The following THEMIS variants were observed in gnomAD, a reference collection of about 807,000 sequenced individuals.
THEMIS encodes the protein protein THEMIS.
THEMIS carries 37 observed loss-of-function variants against 52.6 expected under a neutral mutation model. The observed-to-expected ratio is 0.70, with a 90% confidence interval of 0.54 to 0.93. The LOEUF is 0.93. Among genes scored for constraint, THEMIS ranks in the 40% least tolerant of loss-of-function variants. THEMIS has a pLI of 0.00. For synonymous variants in THEMIS, 292 were observed against 272.7 expected (o/e 1.07, Z -0.70); for missense variants, 808 against 763.1 (o/e 1.06, Z -0.69).
intron 4 of THEMIS, among the ~76,000 whole-genome samples, chr6:127,735,304 T>C (rs1774965130): frequency 1.3e-5 from 2 of 151,618 alleles, no homozygotes; most frequent in African/African-American, 2.4e-5. Context: ...CTGTTACAAA[T>C]AGGGGCGTGT....
At chr6:127,811,519 C>A (rs986062975) in intron 4 of THEMIS, among the ~76,000 whole-genome samples, 9 of 152,070 alleles carry the variant, frequency 5.9e-5, no homozygotes, top group African/African-American at 2.2e-4. Flanking sequence ...TAAATTGGAC[C>A]CACCTGGATA....
intron 1 of THEMIS, among the ~76,000 whole-genome samples, chr6:127,889,891 C>T (rs979543793): frequency 3.9e-5 from 6 of 152,090 alleles, no homozygotes; most frequent in Non-Finnish European, 7.4e-5. Flanking sequence ...ACAAAATAGA[C>T]ATAACGTCAC....
chr6:127,866,892 G>A (rs1179181383), intron 1 of THEMIS, among the ~76,000 whole-genome samples: 1 of 151,574 alleles, frequency 6.6e-6, no homozygotes, highest in Non-Finnish European at 1.5e-5. Flanking sequence ...TAAGCTAGTA[G>A]ACACTAATGC....
At chr6:127,870,214 T>C (rs1056324517) in intron 1 of THEMIS, among the ~76,000 whole-genome samples, 4 of 152,110 alleles carry the variant, frequency 2.6e-5, no homozygotes, top group Non-Finnish European at 5.9e-5. Flanking sequence ...CCCAGCCGCA[T>C]GATGTAAGGG....
chr6:127,719,377 T>C (rs1774283099), intron 5 of THEMIS, among the ~76,000 whole-genome samples: 1 of 151,972 alleles, frequency 6.6e-6, no homozygotes, highest in African/African-American at 2.4e-5. Context: ...ATTCTTCTTG[T>C]TCATTGTTCC....
intron 2 of THEMIS, among the ~76,000 whole-genome samples, chr6:127,838,525 A>G (rs1778944143): frequency 6.6e-6 from 1 of 151,902 alleles, no homozygotes; most frequent in Middle Eastern, 3.2e-3. Flanking sequence ...TTTTTACTTT[A>G]TGACAGAAAG....
At chr6:127,873,965 TAC>T (rs552654496) in intron 1 of THEMIS, among the ~76,000 whole-genome samples, 121 of 152,368 alleles carry the variant, frequency 7.9e-4, no homozygotes, top group Middle Eastern at 3.4e-3. Flanking sequence ...CAATCTATGG[TAC>T]ATATCAAGGA....
chr6:127,881,255 T>C (rs904176652), intron 1 of THEMIS, among the ~76,000 whole-genome samples: 3 of 152,062 alleles, frequency 2.0e-5, no homozygotes, highest in African/African-American at 7.2e-5. Context: ...TGTTTTAAAG[T>C]TAAATAATTG....
At chr6:127,826,294 C>T (rs906144014) in intron 3 of THEMIS, among the ~76,000 whole-genome samples, 1 of 152,080 alleles carries the variant, frequency 6.6e-6, no homozygotes, top group African/African-American at 2.4e-5. Context: ...CTTTGATAAA[C>T]ATTAAAATTA....
chr6:127,760,406 T>C (rs1775982599), intron 4 of THEMIS, among the ~76,000 whole-genome samples: 1 of 152,170 alleles, frequency 6.6e-6, no homozygotes. Context: ...ATTTTTTCTA[T>C]TTCTGTACAA....
intron 1 of THEMIS, among the ~76,000 whole-genome samples, chr6:127,898,531 G>A (rs1345245699): frequency 1.3e-5 from 2 of 151,576 alleles, no homozygotes; most frequent in Non-Finnish European, 3.0e-5. Flanking sequence ...AAAAGGGAAC[G>A]TTTATACTCG....
At chr6:127,891,210 C>T (rs1200972850) in intron 1 of THEMIS, among the ~76,000 whole-genome samples, 1 of 152,008 alleles carries the variant, frequency 6.6e-6, no homozygotes, top group Admixed American at 6.6e-5. Flanking sequence ...TTCATTTTCT[C>T]ACCTCAATTT....
At chr6:127,841,182 G>A (rs1278442125) in intron 2 of THEMIS, among the ~76,000 whole-genome samples, 1 of 152,126 alleles carries the variant, frequency 6.6e-6, no homozygotes, top group East Asian at 1.9e-4. Context: ...GGTGGGGGAG[G>A]CTGCCATATA....
At chr6:127,780,300 G>A (rs1776700993) in intron 4 of THEMIS, among the ~76,000 whole-genome samples, 1 of 152,140 alleles carries the variant, frequency 6.6e-6, no homozygotes, top group Non-Finnish European at 1.5e-5. Context: ...TCTCTGCACA[G>A]GAGATGGGTC....
intron 1 of THEMIS, among the ~76,000 whole-genome samples, chr6:127,872,246 T>C (rs1237151462): frequency 6.6e-6 from 1 of 152,162 alleles, no homozygotes; most frequent in Non-Finnish European, 1.5e-5. Flanking sequence ...AGAAAAATCA[T>C]TTAACAAAAT....
chr6:127,793,661 TA>T (rs1777232749), intron 4 of THEMIS, among the ~76,000 whole-genome samples: 1 of 152,178 alleles, frequency 6.6e-6, no homozygotes, highest in African/African-American at 2.4e-5. Flanking sequence ...ATTTTTCAGC[TA>T]TAGCAAAGCA....
At chr6:127,771,444 C>G (rs974309481) in intron 4 of THEMIS, among the ~76,000 whole-genome samples, 3 of 152,028 alleles carry the variant, frequency 2.0e-5, no homozygotes, top group Non-Finnish European at 4.4e-5. Context: ...AAAAAAGAGC[C>G]CATATTGCCA....
chr6:127,755,768 CA>C (rs1775801507), intron 4 of THEMIS, among the ~76,000 whole-genome samples: 1 of 152,106 alleles, frequency 6.6e-6, no homozygotes. Flanking sequence ...CGCAGTGGCT[CA>C]CACTTGTGAC....
At chr6:127,855,581 C>CA (rs1779592474) in intron 1 of THEMIS, among the ~76,000 whole-genome samples, 2 of 151,832 alleles carry the variant, frequency 1.3e-5, no homozygotes, top group Non-Finnish European at 2.9e-5. Flanking sequence ...ACAAGGTTGT[C>CA]ATACAATTGG....
Sources: gnomAD v4.1 joint callset for allele counts (sites outside exome capture counted in the v4.1 genomes callset) on GRCh38, gnomAD v4.1.1 for gene constraint, MANE v1.5 for transcripts, NCBI Gene and HGNC (gene_info 2026-07-23, HGNC 2026-07-21) for gene names.